Variants in SLC39A6 observed in about 807,000 individuals in gnomAD.
SLC39A6 encodes solute carrier family 39 member 6.
SLC39A6 carries 51 observed loss-of-function variants against 63.5 expected under a neutral mutation model. That is an observed-to-expected ratio of 0.80 (90% CI 0.64 to 1.01). The LOEUF (loss-of-function observed/expected upper bound fraction) is 1.01, where lower values mean the gene tolerates loss of function less well. SLC39A6 is among the 50% of genes least tolerant of loss of function. The pLI is 0.00. For missense variants in SLC39A6, 805 were observed against 927.8 expected, an observed-to-expected ratio of 0.87 and a Z score of 1.72; for synonymous variants, 318 against 324.7, an observed-to-expected ratio of 0.98 and a Z score of 0.22.
chr18:36,113,411 G>A lies in SLC39A6; in HGVS notation c.1843+686C>T, dbSNP rs143265617. Among the ~76,000 whole-genome samples the A allele has an allele frequency of 1.6e-3, 245 of 152,070 alleles. 1 individual carries two copies. Among genetic ancestry groups the A allele is most frequent in the African/African-American group, 5.4e-3 (223 of 41,482 alleles). On this transcript the variant is annotated intron_variant, in intron 7 of 9. Coordinates refer to ENST00000269187, the MANE Select transcript of SLC39A6 (RefSeq NM_012319.4). ...ACCGCACCCAGCCGACTGTGCAATC[G>A]GACATTCCTCCTTTGTCTGTTTCAG...
chr18:36,129,308 C>T lies in SLC39A6; in HGVS notation c.-204G>A, dbSNP rs1015138494. The T allele has an allele frequency of 4.3e-5, 7 of 163,200 alleles. No individual in the cohort carries two copies. Among genetic ancestry groups the T allele is most frequent in the African/African-American group, 1.7e-4 (7 of 41,470 alleles). 10.1% of individuals were successfully genotyped at this position (163,200 alleles called of 1,614,324 possible). On this transcript the variant is annotated 5_prime_UTR_variant, in exon 1 of 10. Coordinates refer to ENST00000269187, the MANE Select transcript of SLC39A6 (RefSeq NM_012319.4). ...CCGCGCAGCCACCCGGCAGCCGCGC[C>T]CCTAGCCTTCGCGAAGCTGGAAGAC...
rs766123108 is a variant in SLC39A6 at position 36,111,295 on chromosome 18, T to C, written c.1925-46A>G. The C allele has an allele frequency of 2.5e-6, 4 of 1,580,288 alleles. No individual in the cohort carries two copies. In the Admixed American group the frequency reaches 5.4e-5, roughly 21 times the overall value. The stretch of plus-strand genomic sequence containing the variant: ...GGAGGAAAAAGTCATTGAGAAATCA[T>C]TTTTAAGACACATACCAAGATACTT... On this transcript the variant is annotated intron_variant, in intron 8 of 9. Coordinates refer to ENST00000269187, the MANE Select transcript of SLC39A6 (RefSeq NM_012319.4).
At position 36,114,086 on chromosome 18, in the gene SLC39A6, T is replaced by C; in HGVS notation, c.1843+11A>G. ...AATCAATCAACAAGGAACAAATATG[T>C]AGATATATACCAATTGCTAGGCCAT... On this transcript the variant is annotated intron_variant, in intron 7 of 9. Coordinates refer to ENST00000269187, the MANE Select transcript of SLC39A6 (RefSeq NM_012319.4). 6.4e-7 allele frequency: 1 copy of C among 1,560,224 alleles called. No individual in the cohort carries two copies.
At chr18:36,127,954 C>T (rs1441326530) in intron 1 of SLC39A6, among the ~76,000 whole-genome samples, 2 of 151,784 alleles carry the variant, frequency 1.3e-5, no homozygotes, top group Admixed American at 1.3e-4. Context: ...ATCTTTTTTC[C>T]GACTTGACAA....
At chr18:36,124,223 A>G (rs924646463) in intron 3 of SLC39A6, among the ~76,000 whole-genome samples, 3 of 152,140 alleles carry the variant, frequency 2.0e-5, no homozygotes, top group Non-Finnish European at 4.4e-5. Flanking sequence ...AAATGAACCC[A>G]AGACCTCTTC....
At chr18:36,110,939 G>A (rs1162956173) in intron 9 of SLC39A6, 120 bp downstream of exon 9, 50 of 1,460,132 alleles carry the variant, frequency 3.4e-5, no homozygotes, top group South Asian at 4.3e-5. Flanking sequence ...CAGCCTGGAC[G>A]ACATAGCAAG....
At chr18:36,111,560 T>C (rs1490207088) in intron 8 of SLC39A6, among the ~76,000 whole-genome samples, 1 of 151,550 alleles carries the variant, frequency 6.6e-6, no homozygotes, top group Non-Finnish European at 1.5e-5. Flanking sequence ...TCTTGGCTCA[T>C]TGCAACCTCT....
intron 2 of SLC39A6, among the ~76,000 whole-genome samples, 191 bp from the exon 3 acceptor site, chr18:36,124,891 C>T (rs2089423660): frequency 6.6e-6 from 1 of 152,164 alleles, no homozygotes; most frequent in Non-Finnish European, 1.5e-5. Context: ...AGTGGTATCC[C>T]ACCTCTTCTA....
chr18:36,114,585 C>T, intron 6 of SLC39A6, 111 bp from the exon 7 acceptor site: 1 of 707,316 alleles, frequency 1.4e-6, no homozygotes, highest in South Asian at 1.9e-5. Context: ...AGCATGATAA[C>T]TCCTTCATAT....
At chr18:36,112,885 T>G (rs761520956) in intron 7 of SLC39A6, among the ~76,000 whole-genome samples, 26 of 152,194 alleles carry the variant, frequency 1.7e-4, no homozygotes, top group Non-Finnish European at 3.1e-4. Context: ...TTCAAGAATA[T>G]AAAATAAACT....
In SLC39A6 at chr18:36,108,800, A is replaced by G. The variant is rs144811590; in HGVS notation, c.*793T>C. Reference sequence around the variant, plus strand: ...CCAGTCATACAGCTTTTGGTGATATATAACTTGGCAATAACCCAGTCTGGT... The same window carrying G: ...CCAGTCATACAGCTTTTGGTGATATGTAACTTGGCAATAACCCAGTCTGGT... On this transcript the variant is annotated 3_prime_UTR_variant, in exon 10 of 10. Coordinates refer to ENST00000269187, the MANE Select transcript of SLC39A6 (RefSeq NM_012319.4). The G allele has an allele frequency of 1.4e-4, 22 of 152,340 alleles. No homozygotes were observed. The East Asian group carries it at 4.2e-3, about 29-fold the overall frequency. 9.4% of individuals were successfully genotyped at this position (152,340 alleles called of 1,614,324 possible). A position where few individuals can be genotyped will look rare whatever the true frequency, so the allele number is the denominator to read the frequency against.
intron 8 of SLC39A6, 125 bp downstream of exon 8, chr18:36,112,376 T>C (rs2144497956): frequency 1.4e-6 from 1 of 702,980 alleles, no homozygotes; most frequent in East Asian, 2.5e-5. Flanking sequence ...ATCAGTATGC[T>C]GGTTAGCAGA....
rs2089335386 is a variant in SLC39A6 at position 36,115,333 on chromosome 18, TC to T, written c.1466-860del. On this transcript the variant is annotated intron_variant, in intron 6 of 9. Coordinates refer to ENST00000269187, the MANE Select transcript of SLC39A6 (RefSeq NM_012319.4). ...GGCGGGTGCCTGTAGTCCCAGTTAC[TC>T]GGGAGGCTGAGGCAGGAGAATGGCG... 4.0e-5 allele frequency among the ~76,000 whole-genome samples: 6 copies of T among 151,446 alleles called. No individual in the cohort carries two copies. In the South Asian group the frequency reaches 1.3e-3, roughly 32 times the overall value.
chr18:36,122,322 G>C (rs775172225), intron 4 of SLC39A6, 52 bp from the exon 5 acceptor site: 23 of 1,442,714 alleles, frequency 1.6e-5, no homozygotes, highest in African/African-American at 2.8e-5. Flanking sequence ...CACACACCGA[G>C]TCAGAAAGTT....
chr18:36,115,450 A>G (rs902251428), intron 6 of SLC39A6, among the ~76,000 whole-genome samples: 6 of 133,224 alleles, frequency 4.5e-5, no homozygotes, highest in African/African-American at 1.7e-4. Context: ...TCAAAAAAAA[A>G]AAAAAAATTA....
Position 36,111,078 on chromosome 18 carries a change from T to A in SLC39A6, c.2096A>T (p.Tyr699Phe). Residue 699 changes from tyrosine (Y) to phenylalanine (F), a missense_variant, in exon 9 of 10, where the codon TAT (tyrosine) becomes TTT (phenylalanine). By Grantham distance (22) the Tyr-to-Phe change is conservative. This residue lies in a region of SLC39A6 where 145 missense variants were observed against 227.2 expected (regional missense o/e 0.64). Transcript: ENST00000269187. Reference sequence around the variant, plus strand: ...ACTTACCATATCAACCAGAGCAACATACATGAATAAGCCAGCAGTAAGTGC... The same window carrying A: ...ACTTACCATATCAACCAGAGCAACAAACATGAATAAGCCAGCAGTAAGTGC... Reference protein sequence around the residue: ...IFALTAGLFMYVALVDMVPEM... With the variant: ...IFALTAGLFMFVALVDMVPEM... 6.2e-7 allele frequency: 1 copy of A among 1,613,962 alleles called. No homozygotes were observed. The highest frequency in any genetic ancestry group is 8.5e-7 in the Non-Finnish European group (1 of 1,179,796).
rs775750338 is a variant in SLC39A6 at position 36,126,615 on chromosome 18, G to T, written c.393C>A (p.His131Gln). The T allele has an allele frequency of 1.9e-6, 3 of 1,614,198 alleles. No homozygotes were observed. In the South Asian group the frequency reaches 3.3e-5, roughly 18 times the overall value. Reference sequence around the variant, plus strand: ...TTTTACCAGAAGCAGCATGATTATGGTGAGAGTGATGATCATGGTCAGAGT... The same window carrying T: ...TTTTACCAGAAGCAGCATGATTATGTTGAGAGTGATGATCATGGTCAGAGT... ...EHHSDHDHHS[H>Q]HNHAASGKNK... The change falls in exon 2 of 10, where the codon CAC becomes CAA. Residue 131 changes from histidine to glutamine, a missense_variant. This residue lies in a region of SLC39A6 where 639 missense variants were observed against 644.0 expected (regional missense o/e 0.99). Transcript: ENST00000269187.
chr18:36,109,959 T>C (rs2144495584), intron 9 of SLC39A6, among the ~76,000 whole-genome samples: 1 of 152,298 alleles, frequency 6.6e-6, no homozygotes, highest in South Asian at 2.1e-4. Context: ...ACTCATGATG[T>C]TCTGGGCAAG....
chr18:36,126,179 C>T (rs763067754), intron 2 of SLC39A6, 40 bp downstream of exon 2: 15 of 1,535,824 alleles, frequency 9.8e-6, no homozygotes, highest in Non-Finnish European at 1.3e-5. Flanking sequence ...ACAGGACAGA[C>T]ACACAGGTAT....
Sources: allele counts gnomAD v4.1 joint callset (sites outside exome capture counted in the v4.1 genomes callset), GRCh38; gene constraint gnomAD v4.1.1; regional missense constraint gnomAD v4.1.1; transcripts MANE v1.5; gene names NCBI Gene and HGNC (gene_info 2026-07-23, HGNC 2026-07-21).